ECE1: variants seen among roughly 807,000 people sequenced by gnomAD.
ECE1 encodes the protein endothelin-converting enzyme 1.
In ECE1, 35 loss-of-function variants were observed where a neutral mutation model predicts 98.6. The ratio of observed to expected loss-of-function variants is 0.35; its 90% CI spans 0.27 to 0.47. The LOEUF (loss-of-function observed/expected upper bound fraction) is 0.47. ECE1 is among the 20% of genes least tolerant of loss of function. The pLI is 1.00. For synonymous variants in ECE1, 394 were observed against 407.1 expected (o/e 0.97, Z 0.39); for missense variants, 814 against 1,025.3 (o/e 0.79, Z 2.81).
At chr1:21,288,822 C>T (rs1359257614) in intron 2 of ECE1, among the ~76,000 whole-genome samples, 3 of 152,092 alleles carry the variant, frequency 2.0e-5, no homozygotes, top group Admixed American at 6.6e-5. Context: ...GCTCGGTGAC[C>T]GAAGGCCAGT....
chr1:21,296,336 T>C (rs1253714733), intron 1 of ECE1, among the ~76,000 whole-genome samples: 1 of 151,856 alleles, frequency 6.6e-6, no homozygotes, highest in African/African-American at 2.4e-5. Flanking sequence ...CAGTGAGACT[T>C]TGTCTCTACA....
In ECE1 at chr1:21,233,407, A is replaced by C. The variant is rs1178541121; in HGVS notation, c.1670+151T>G. 3.1e-6 allele frequency: 2 copies of C among 655,460 alleles called. No homozygotes were observed. Among genetic ancestry groups the C allele is most frequent in the South Asian group, 1.9e-5 (1 of 52,610 alleles). The allele number at this position is 655,460 out of a possible 1,614,324, so 40.6% of individuals were successfully genotyped here. A position where few individuals can be genotyped will look rare whatever the true frequency, so the allele number is the denominator to read the frequency against. ...TTTTGCCCTTGGTTTCTTCATCTGA[A>C]AAGTGGGATAACAAGGGCATCCACT... On this transcript the variant is annotated intron_variant, in intron 14 of 18. Coordinates refer to ENST00000374893, the MANE Select transcript of ECE1 (RefSeq NM_001397.3). This position sits in a 1 kb window ranked among gnomAD's most constrained non-coding sequence, Gnocchi z 4.0.
rs1453391618 is a variant in ECE1, at chr1:21,227,143, C to G, written c.1849+16G>C. On this transcript the variant is annotated intron_variant, in intron 16 of 18. Coordinates refer to ENST00000374893, the MANE Select transcript of ECE1 (RefSeq NM_001397.3). ...GATTACAGGCATGAGCCATCGTGCC[C>G]AGCTGGAATTCGTACCTTGATCATC... 2 of 1,613,658 alleles carry G rather than the reference C, an allele frequency of 1.2e-6. No homozygotes were observed. The highest frequency in any genetic ancestry group is 8.5e-7 in the Non-Finnish European group (1 of 1,179,740).
intron 8 of ECE1, among the ~76,000 whole-genome samples, chr1:21,249,738 A>G (rs2098209765): frequency 6.6e-6 from 1 of 152,114 alleles, no homozygotes; most frequent in Admixed American, 6.6e-5. Context: ...CAGTGCTACC[A>G]TCACCACCAC....
Position 21,235,930 on chromosome 1 carries a change from G to A in ECE1, c.1489-3C>T. 1 of 1,614,122 alleles carries A rather than the reference G, an allele frequency of 6.2e-7. No individual in the cohort carries two copies. Among genetic ancestry groups the A allele is most frequent in the Non-Finnish European group, 8.5e-7 (1 of 1,179,946 alleles). On this transcript the variant is annotated splice_region_variant and splice_polypyrimidine_tract_variant and intron_variant, in intron 12 of 18. Transcript: ENST00000374893. The surrounding 1 kb of genome is among the most constrained non-coding windows in gnomAD (Gnocchi z 4.2). ...ATCATGTTGTAGATGGCATCGGCCT[G>A]GACAGGACAGACAGAGGAAGTGAGT...
intron 11 of ECE1, among the ~76,000 whole-genome samples, chr1:21,237,299 G>T (rs937155498): frequency 6.6e-6 from 1 of 152,132 alleles, no homozygotes; most frequent in Non-Finnish European, 1.5e-5. Context: ...GCTCAGGCTG[G>T]ATATAGACAG....
intron 1 of ECE1, chr1:21,298,241 C>T (rs1173768325): frequency 6.0e-6 from 1 of 166,142 alleles, no homozygotes; most frequent in African/African-American, 2.4e-5. Context: ...ACCCTCCCTC[C>T]CGACTCCCTC....
chr1:21,313,111 G>A (rs571385110), intron 1 of ECE1, among the ~76,000 whole-genome samples: 14 of 152,146 alleles, frequency 9.2e-5, no homozygotes, highest in African/African-American at 3.1e-4. Flanking sequence ...TGCCCTCTGC[G>A]CCCCACTATT....
In ECE1 at chr1:21,272,871, C is replaced by A; in HGVS notation, c.321G>T (p.Val107=). Residue 107 remains valine (V), a synonymous_variant, in exon 4 of 19, where the codon GTG becomes GTT. Transcript: ENST00000374893. The part of the protein sequence containing the change: ...SVCLSEACVS[V]TSSILSSMDP... The stretch of plus-strand genomic sequence containing the variant: ...CCATGGAGCTCAAGATGGAGCTGGT[C>A]ACTGAGACACAAGCTTCGCTCAGGC... 6.2e-7 allele frequency: 1 copy of A among 1,614,192 alleles called. No individual in the cohort carries two copies. The highest frequency in any genetic ancestry group is 1.1e-5 in the South Asian group (1 of 91,078).
At position 21,298,780 on chromosome 1, in the gene ECE1, G is replaced by A. The variant is rs766047745; in HGVS notation, c.4-8624C>T. ...GTTTTCCCATGACATCAGATAAGAC[G>A]GCAATCACCACCTCCTTCTAACCCA... On this transcript the variant is annotated intron_variant, in intron 1 of 18. Transcript: ENST00000415912. 2.8e-4 allele frequency: 128 copies of A among 456,240 alleles called. 1 individual carries two copies. Among genetic ancestry groups the A allele is most frequent in the South Asian group, 1.8e-3 (113 of 64,566 alleles). 28.3% of individuals were successfully genotyped at this position (456,240 alleles called of 1,614,324 possible).
chr1:21,336,302 G>A (rs373169320), intron 1 of ECE1, among the ~76,000 whole-genome samples: 1 of 151,874 alleles, frequency 6.6e-6, no homozygotes, highest in East Asian at 2.0e-4. Flanking sequence ...GATCACTTGA[G>A]CCCATAAGTT....
chr1:21,290,878 T>C (rs1358017025), upstream of ECE1, among the ~76,000 whole-genome samples: 1 of 152,192 alleles, frequency 6.6e-6, no homozygotes, highest in Admixed American at 6.5e-5. This position sits in a 1 kb window ranked among gnomAD's most constrained non-coding sequence, Gnocchi z 7.3. Flanking sequence ...TCAGTTCCCC[T>C]TTCTAGCTCA....
At chr1:21,331,723 G>A (rs1219866836) in intron 1 of ECE1, among the ~76,000 whole-genome samples, 2 of 151,986 alleles carry the variant, frequency 1.3e-5, no homozygotes, top group Non-Finnish European at 2.9e-5. Context: ...TACAAAACAG[G>A]AATAACAATA....
At chr1:21,273,131 T>C (rs2098242313) in intron 3 of ECE1, among the ~76,000 whole-genome samples, 1 of 152,268 alleles carries the variant, frequency 6.6e-6, no homozygotes, top group East Asian at 1.9e-4. Context: ...GGCTAAAAGG[T>C]ACCCAGAACC....
At chr1:21,306,040 A>C (rs905334541) in intron 1 of ECE1, among the ~76,000 whole-genome samples, 1 of 152,218 alleles carries the variant, frequency 6.6e-6, no homozygotes, top group African/African-American at 2.4e-5. Flanking sequence ...CCTTCTCCAC[A>C]TCCAGCCATA....
chr1:21,310,546 G>C (rs1484507439), intron 1 of ECE1, among the ~76,000 whole-genome samples: 1 of 152,172 alleles, frequency 6.6e-6, no homozygotes, highest in Non-Finnish European at 1.5e-5. Context: ...CCAAAGGAAG[G>C]AGGTTGCTGT....
intron 4 of ECE1, among the ~76,000 whole-genome samples, chr1:21,263,749 C>G (rs1465015673): frequency 6.6e-6 from 1 of 152,106 alleles, no homozygotes; most frequent in Non-Finnish European, 1.5e-5. Flanking sequence ...CATGCCCCCT[C>G]TGTGTGTGTC....
intron 17 of ECE1, among the ~76,000 whole-genome samples, chr1:21,222,841 CAAAAAAAAA>C (rs888811259): frequency 6.5e-4 from 18 of 27,788 alleles, no homozygotes; most frequent in Non-Finnish European, 1.2e-4. Context: ...GACCCTGTCT[CAAAAAAAAA>C]AAAAAAAAAA....
chr1:21,229,917 T>A (rs905189234), intron 14 of ECE1, among the ~76,000 whole-genome samples: 7 of 152,170 alleles, frequency 4.6e-5, no homozygotes, highest in African/African-American at 1.7e-4. Flanking sequence ...ATGCCTGTAA[T>A]CCTAGCACCT....
Sources: allele counts gnomAD v4.1 joint callset (sites outside exome capture counted in the v4.1 genomes callset), GRCh38; gene constraint gnomAD v4.1.1; non-coding constraint Gnocchi (gnomAD v3.1); transcripts MANE v1.5; gene names NCBI Gene and HGNC (gene_info 2026-07-23, HGNC 2026-07-21).